Variants in NME8 observed in about 807,000 individuals in gnomAD.
NME8 encodes the protein protein NME8.
Under a neutral mutation model 82.3 loss-of-function variants are expected in NME8, and 72 were observed. That is an observed-to-expected ratio of 0.87 (90% CI 0.72 to 1.06). The LOEUF is 1.06. Among genes scored for constraint, NME8 ranks in the 50% least tolerant of loss-of-function variants. The probability of loss-of-function intolerance (pLI) is 0.00; values close to 1 mark genes in which losing one functional copy is unlikely to be tolerated. For missense variants in NME8, 712 were observed against 685.4 expected, an observed-to-expected ratio of 1.04 and a Z score of -0.43; for synonymous variants, 267 against 228.5, an observed-to-expected ratio of 1.17 and a Z score of -1.52.
chr7:37,887,076 CA>C lies in NME8; in HGVS notation c.1248-1200del, dbSNP rs200863588. On this transcript the variant is annotated intron_variant, in intron 14 of 17. Coordinates refer to ENST00000199447, the MANE Select transcript of NME8 (RefSeq NM_016616.5). ...TTTAAAGGGAAAAAAGTGAAATGAG[CA>C]GTGAGCATTATTTGCTACTGAAATA... Among the ~76,000 whole-genome samples, 1,212 of 152,082 alleles carry C rather than the reference CA, an allele frequency of 8.0e-3. 23 individuals are homozygous for C. The highest frequency in any genetic ancestry group is 0.028 in the African/African-American group (1,147 of 41,468).
chr7:37,876,426 G>T (rs1027819822), intron 11 of NME8, among the ~76,000 whole-genome samples: 3 of 151,560 alleles, frequency 2.0e-5, no homozygotes, highest in African/African-American at 7.3e-5. Flanking sequence ...ACAATAAAAA[G>T]GTAATTGGAA....
chr7:37,878,650 T>C (rs1784894728), intron 12 of NME8, among the ~76,000 whole-genome samples: 1 of 152,102 alleles, frequency 6.6e-6, no homozygotes, highest in Non-Finnish European at 1.5e-5. Flanking sequence ...AAAAAGACAA[T>C]ATTTTCAAAT....
intron 14 of NME8, among the ~76,000 whole-genome samples, 199 bp downstream of exon 14, chr7:37,885,451 A>G (rs559536868): frequency 6.6e-6 from 1 of 152,280 alleles, no homozygotes; most frequent in South Asian, 2.1e-4. Context: ...ATTTTCAAGA[A>G]ACCACTGTGA....
intron 10 of NME8, among the ~76,000 whole-genome samples, chr7:37,867,324 A>T (rs1450867990): frequency 6.6e-6 from 1 of 151,254 alleles, no homozygotes; most frequent in Non-Finnish European, 1.5e-5. Context: ...TAGCAATCTT[A>T]TTTAGGAATA....
In NME8 at chr7:37,848,810, C is replaced by T. The variant is rs529217643; in HGVS notation, c.-240-14C>T. ...ATGGGTTGGACAAAACATTGCCCCC[C>T]TTCTTCTTCCCAGACAGGCAGGGAA... On this transcript the variant is annotated splice_polypyrimidine_tract_variant and intron_variant, in intron 1 of 17. Coordinates refer to ENST00000199447, the MANE Select transcript of NME8 (RefSeq NM_016616.5). 6 of 152,414 alleles carry T rather than the reference C, an allele frequency of 3.9e-5. No individual in the cohort carries two copies. Among genetic ancestry groups the T allele is most frequent in the Non-Finnish European group, 5.9e-5 (4 of 68,110 alleles). 9.4% of individuals were successfully genotyped at this position (152,414 alleles called of 1,614,324 possible).
At chr7:37,861,631 TA>T (rs1364216480) in intron 6 of NME8, among the ~76,000 whole-genome samples, 1 of 152,184 alleles carries the variant, frequency 6.6e-6, no homozygotes, top group East Asian at 1.9e-4. Context: ...AGATGCTTAG[TA>T]AACAGGTGTT....
chr7:37,880,667 T>C (rs764317073), intron 12 of NME8, among the ~76,000 whole-genome samples: 1 of 152,202 alleles, frequency 6.6e-6, no homozygotes, highest in Non-Finnish European at 1.5e-5. Flanking sequence ...AATTTCCATA[T>C]CCACAAAATA....
intron 15 of NME8, among the ~76,000 whole-genome samples, chr7:37,893,679 G>T (rs1180963618): frequency 2.0e-5 from 3 of 152,066 alleles, no homozygotes; most frequent in Non-Finnish European, 4.4e-5. Flanking sequence ...TCTCACCTGT[G>T]GTTCTGGGGA....
chr7:37,888,748 A>G (rs2131970841), intron 15 of NME8, among the ~76,000 whole-genome samples: 1 of 152,234 alleles, frequency 6.6e-6, no homozygotes, highest in East Asian at 1.9e-4. Flanking sequence ...ACGGAATATC[A>G]TGTTAATGAT....
intron 15 of NME8, among the ~76,000 whole-genome samples, chr7:37,888,978 TA>T (rs566697880): frequency 2.0e-5 from 3 of 152,042 alleles, no homozygotes; most frequent in Non-Finnish European, 4.4e-5. Context: ...AATGTGAATA[TA>T]TTTTTCAGTG....
chr7:37,869,502 C>G (rs905577123), intron 11 of NME8, among the ~76,000 whole-genome samples: 1 of 152,114 alleles, frequency 6.6e-6, no homozygotes, highest in South Asian at 2.1e-4. Flanking sequence ...AGTAAACCTC[C>G]ATTACAACCA....
rs1562839257 is a variant in NME8, at chr7:37,884,289, C to G, written c.995-14C>G. On this transcript the variant is annotated splice_polypyrimidine_tract_variant and intron_variant, in intron 12 of 17. Coordinates refer to ENST00000199447, the MANE Select transcript of NME8 (RefSeq NM_016616.5). ...TACCAGTTTAAAACTTATTATGTAA[C>G]TGTTTTTATTTAGATGATGTTTTGC... 1.3e-6 allele frequency: 2 copies of G among 1,522,508 alleles called. No individual in the cohort carries two copies. Among genetic ancestry groups the G allele is most frequent in the Admixed American group, 1.7e-5 (1 of 59,820 alleles). 94.3% of individuals were successfully genotyped at this position (1,522,508 alleles called of 1,614,324 possible).
chr7:37,882,530 GGA>G (rs1404118762), intron 12 of NME8, among the ~76,000 whole-genome samples: 1 of 142,286 alleles, frequency 7.0e-6, no homozygotes, highest in African/African-American at 2.6e-5. Context: ...AAGGAAGGAG[GGA>G]GAGAGGGAGG....
chr7:37,888,830 G>T (rs1207594564), intron 15 of NME8, among the ~76,000 whole-genome samples: 2 of 151,308 alleles, frequency 1.3e-5, no homozygotes, highest in Non-Finnish European at 2.9e-5. Context: ...TTTTAGATAC[G>T]CTATTGGATA....
chr7:37,892,539 A>G (rs955167818), intron 15 of NME8, among the ~76,000 whole-genome samples: 4 of 151,920 alleles, frequency 2.6e-5, no homozygotes, highest in African/African-American at 9.7e-5. Flanking sequence ...CTACATACAC[A>G]CACGTGTAGA....
chr7:37,895,385 A>ACTC (rs1401039084), intron 16 of NME8, among the ~76,000 whole-genome samples: 1 of 152,036 alleles, frequency 6.6e-6, no homozygotes. Context: ...TATAATAATA[A>ACTC]CTCTGTGAAG....
At chr7:37,877,053 A>T (rs749104742) in intron 12 of NME8, 46 bp downstream of exon 12, 2 of 1,473,046 alleles carry the variant, frequency 1.4e-6, no homozygotes, top group Non-Finnish European at 1.9e-6. Context: ...TATAGATGAG[A>T]TTTGAATAAA....
At chr7:37,867,675 G>A (rs1400871622) in intron 10 of NME8, 27 bp from the exon 11 acceptor site, 1 of 1,583,996 alleles carries the variant, frequency 6.3e-7, no homozygotes, top group South Asian at 1.1e-5. Context: ...GAGCCTGAAG[G>A]AAACAGTTTA....
chr7:37,868,821 A>C lies in NME8; in HGVS notation c.818+923A>C, dbSNP rs77233604. On this transcript the variant is annotated intron_variant, in intron 11 of 17. Coordinates refer to ENST00000199447, the MANE Select transcript of NME8 (RefSeq NM_016616.5). The stretch of plus-strand genomic sequence containing the variant: ...TTGTGGTTACAAATTACTGAGAACA[A>C]AACGGTTGTATATTTTTTGTTGATG... Among the ~76,000 whole-genome samples, 741 of 152,342 alleles carry C rather than the reference A, an allele frequency of 4.9e-3. 11 individuals carry two copies. Among genetic ancestry groups the C allele is most frequent in the African/African-American group, 0.017 (717 of 41,582 alleles).
Sources: allele counts gnomAD v4.1 joint callset (sites outside exome capture counted in the v4.1 genomes callset), GRCh38; gene constraint gnomAD v4.1.1; transcripts MANE v1.5; gene names NCBI Gene and HGNC (gene_info 2026-07-23, HGNC 2026-07-21).